The following SLC9A9 variants were observed in gnomAD, a reference collection of about 807,000 sequenced individuals.
SLC9A9 encodes the protein sodium/hydrogen exchanger 9.
Under a neutral mutation model 77.8 loss-of-function variants are expected in SLC9A9, and 62 were observed. The ratio of observed to expected loss-of-function variants is 0.80; its 90% CI spans 0.65 to 0.98. SLC9A9 has a LOEUF of 0.98. SLC9A9 is among the 50% of genes least tolerant of loss of function. SLC9A9 has a pLI of 0.00. For missense variants in SLC9A9, 775 were observed against 774.9 expected (o/e 1.00, Z 0.00); for synonymous variants, 320 against 283.5 (o/e 1.13, Z -1.29).
chr3:143,752,679 GTTTT>G (rs77031960), intron 4 of SLC9A9, among the ~76,000 whole-genome samples: 1 of 138,972 alleles, frequency 7.2e-6, no homozygotes. Flanking sequence ...ATGTGAAAAG[GTTTT>G]TTTTTTTTTT....
At chr3:143,334,320 G>A (rs1400231390) in intron 14 of SLC9A9, among the ~76,000 whole-genome samples, 3 of 152,212 alleles carry the variant, frequency 2.0e-5, no homozygotes, top group Non-Finnish European at 4.4e-5. Flanking sequence ...CTGATTTTAC[G>A]ATCCTGGTCA....
At chr3:143,745,089 G>T (rs1288736083) in intron 4 of SLC9A9, among the ~76,000 whole-genome samples, 3 of 152,134 alleles carry the variant, frequency 2.0e-5, no homozygotes. Flanking sequence ...TTTACACAAA[G>T]GAGCTTTTTC....
chr3:143,635,082 C>T lies in SLC9A9; in HGVS notation c.755+17173G>A, dbSNP rs111350819. Among the ~76,000 whole-genome samples the T allele has an allele frequency of 6.4e-3, 973 of 152,198 alleles. 10 individuals carry two copies. Among genetic ancestry groups the T allele is most frequent in the African/African-American group, 0.022 (893 of 41,522 alleles). ...ACATTTCTGCAAATTGGGCAGGGTG[C>T]AGTAGGTCCAGCTCATTTCTGCTCC... On this transcript the variant is annotated intron_variant, in intron 6 of 15. Transcript: ENST00000316549.
chr3:143,789,023 T>G (rs1392610147), intron 4 of SLC9A9, among the ~76,000 whole-genome samples: 1 of 152,162 alleles, frequency 6.6e-6, no homozygotes, highest in African/African-American at 2.4e-5. Context: ...TTGATACCAG[T>G]ACTTTGGAAA....
chr3:143,574,533 G>C (rs1395856949), intron 7 of SLC9A9, among the ~76,000 whole-genome samples: 1 of 152,142 alleles, frequency 6.6e-6, no homozygotes, highest in Non-Finnish European at 1.5e-5. Context: ...GAAAAACAAA[G>C]CCAAGGAGAG....
intron 2 of SLC9A9, among the ~76,000 whole-genome samples, chr3:143,817,145 ATTT>A (rs61053850): frequency 1.8e-5 from 2 of 110,962 alleles, no homozygotes; most frequent in Non-Finnish European, 4.1e-5. Context: ...TTTTTTTTTT[ATTT>A]TTTTTTTTTT....
At chr3:143,782,955 T>C (rs1396667549) in intron 4 of SLC9A9, among the ~76,000 whole-genome samples, 1 of 152,098 alleles carries the variant, frequency 6.6e-6, no homozygotes, top group East Asian at 1.9e-4. Context: ...CTAAATCTGA[T>C]CCAAAGCCAT....
At chr3:143,649,328 T>G (rs1283237963) in intron 6 of SLC9A9, among the ~76,000 whole-genome samples, 1 of 152,222 alleles carries the variant, frequency 6.6e-6, no homozygotes, top group East Asian at 1.9e-4. Flanking sequence ...ATTCCCTTTA[T>G]GCTTGAAATA....
At chr3:143,373,552 A>G (rs1450108650) in intron 13 of SLC9A9, among the ~76,000 whole-genome samples, 2 of 148,050 alleles carry the variant, frequency 1.4e-5, no homozygotes, top group South Asian at 2.1e-4. Flanking sequence ...TCACCACTAT[A>G]TAATTCATCC....
At chr3:143,406,552 G>C (rs2033985445) in intron 12 of SLC9A9, among the ~76,000 whole-genome samples, 1 of 151,716 alleles carries the variant, frequency 6.6e-6, no homozygotes, top group African/African-American at 2.4e-5. Flanking sequence ...GTAAAGACAG[G>C]GTTTCACCAT....
At chr3:143,838,502 G>A (rs2009629408) in intron 1 of SLC9A9, among the ~76,000 whole-genome samples, 1 of 152,134 alleles carries the variant, frequency 6.6e-6, no homozygotes, top group African/African-American at 2.4e-5. Context: ...CTGTTTTAGA[G>A]CAGAGGAAAC....
chr3:143,384,439 C>T (rs1215888228), intron 12 of SLC9A9, among the ~76,000 whole-genome samples: 2 of 152,178 alleles, frequency 1.3e-5, no homozygotes, highest in Non-Finnish European at 2.9e-5. Context: ...GATCATGGGG[C>T]TCCCACCACT....
intron 4 of SLC9A9, among the ~76,000 whole-genome samples, chr3:143,741,404 T>C (rs189413425): frequency 6.6e-6 from 1 of 152,254 alleles, no homozygotes; most frequent in African/African-American, 2.4e-5. Flanking sequence ...AATCAAAATA[T>C]AAAACAAACA....
chr3:143,618,395 A>G (rs2038143686), intron 6 of SLC9A9, among the ~76,000 whole-genome samples: 1 of 152,148 alleles, frequency 6.6e-6, no homozygotes, highest in Non-Finnish European at 1.5e-5. Flanking sequence ...CCATAATAGG[A>G]GTAGAATATT....
At chr3:143,466,400 C>T (rs1392709184) in intron 12 of SLC9A9, among the ~76,000 whole-genome samples, 1 of 152,220 alleles carries the variant, frequency 6.6e-6, no homozygotes, top group Non-Finnish European at 1.5e-5. Context: ...TTGACACCAG[C>T]TACCCGTTTC....
At chr3:143,443,880 T>G (rs2108546961) in intron 12 of SLC9A9, among the ~76,000 whole-genome samples, 1 of 152,306 alleles carries the variant, frequency 6.6e-6, no homozygotes, top group South Asian at 2.1e-4. Context: ...ATAGACCCAG[T>G]TCTTAACCTG....
At position 143,843,441 on chromosome 3, in the gene SLC9A9, C is replaced by T. The variant is rs182044136; in HGVS notation, c.175+4707G>A. On this transcript the variant is annotated intron_variant, in intron 1 of 15. Transcript: ENST00000316549. ...TTGGTGTTGAGTGAATTAAATTTGT[C>T]CTACTTAACTGTTAAGCACATTCTT... 2.2e-4 allele frequency among the ~76,000 whole-genome samples: 33 copies of T among 152,250 alleles called. 1 individual carries two copies. In the East Asian group the frequency reaches 4.6e-3, roughly 21 times the overall value.
At chr3:143,815,943 A>C (rs950278129) in intron 2 of SLC9A9, among the ~76,000 whole-genome samples, 1 of 152,234 alleles carries the variant, frequency 6.6e-6, no homozygotes, top group Non-Finnish European at 1.5e-5. Context: ...AGATCGAGAG[A>C]CATGTGCAAG....
At chr3:143,548,029 AAAGGT>A (rs2036817751) in intron 9 of SLC9A9, among the ~76,000 whole-genome samples, 1 of 152,236 alleles carries the variant, frequency 6.6e-6, no homozygotes, top group Non-Finnish European at 1.5e-5. Flanking sequence ...TCTTAGGTAG[AAAGGT>A]AAGTAGAAAG....
Sources: gnomAD v4.1 joint callset for allele counts (sites outside exome capture counted in the v4.1 genomes callset) on GRCh38, gnomAD v4.1.1 for gene constraint, MANE v1.5 for transcripts, NCBI Gene and HGNC (gene_info 2026-07-23, HGNC 2026-07-21) for gene names.